Variants in ALKBH8 observed in about 807,000 individuals in gnomAD.
ALKBH8 encodes tRNA (carboxymethyluridine(34)-5-O)-methyltransferase ALKBH8.
In ALKBH8, 36 loss-of-function variants were observed where a neutral mutation model predicts 59.8. The ratio of observed to expected loss-of-function variants is 0.60; its 90% CI spans 0.46 to 0.79. ALKBH8 has a LOEUF of 0.79. Among genes scored for constraint, ALKBH8 ranks in the 30% least tolerant of loss-of-function variants. The probability of loss-of-function intolerance (pLI) is 0.00; values close to 1 mark genes in which losing one functional copy is unlikely to be tolerated. For missense variants in ALKBH8, 768 were observed against 801.0 expected (o/e 0.96, Z 0.50); for synonymous variants, 276 against 273.6 (o/e 1.01, Z -0.09).
At chr11:107,564,793 A>G (rs1309466194) in intron 1 of ALKBH8, among the ~76,000 whole-genome samples, 2 of 152,242 alleles carry the variant, frequency 1.3e-5, no homozygotes, top group African/African-American at 4.8e-5. Context: ...TGAATAAAGA[A>G]CACTCACTCC....
At chr11:107,517,328 A>G (rs998781705) in intron 10 of ALKBH8, among the ~76,000 whole-genome samples, 9 of 152,210 alleles carry the variant, frequency 5.9e-5, no homozygotes, top group South Asian at 2.1e-4. Context: ...AATGTAAATT[A>G]GGACAGCCAC....
Position 107,505,205 on chromosome 11 carries a change from A to G in ALKBH8, c.1448T>C (p.Val483Ala). 6.5e-7 allele frequency: 1 copy of G among 1,541,734 alleles called. No homozygotes were observed. Among genetic ancestry groups the G allele is most frequent in the Non-Finnish European group, 8.8e-7 (1 of 1,142,020 alleles). ...IHHFATAERR[V>A]AALQEIVRLL... Reference sequence around the variant, plus strand: ...TCGAACAATTTCTTGGAGAGCTGCCACTCTACGCTCCTAATGAAAAAAAAC... The same window carrying G: ...TCGAACAATTTCTTGGAGAGCTGCCGCTCTACGCTCCTAATGAAAAAAAAC... Residue 483 changes from valine to alanine, a missense_variant, in exon 12 of 12, where the codon GTG (valine) becomes GCG (alanine). Physicochemically the swap from Val to Ala is moderately conservative, Grantham distance 64. Coordinates refer to ENST00000428149, the MANE Select transcript of ALKBH8 (RefSeq NM_138775.3).
chr11:107,538,857 G>C (rs938557479), intron 7 of ALKBH8, among the ~76,000 whole-genome samples: 4 of 152,180 alleles, frequency 2.6e-5, no homozygotes, highest in African/African-American at 9.7e-5. Context: ...AACCTTTTTA[G>C]AGAAATCCCT....
intron 11 of ALKBH8, among the ~76,000 whole-genome samples, chr11:107,508,955 A>G (rs969233461): frequency 6.6e-6 from 1 of 152,202 alleles, no homozygotes; most frequent in Non-Finnish European, 1.5e-5. Context: ...GTTGTGAATA[A>G]TGCTGCTATG....
chr11:107,535,603 T>G (rs1043107649), intron 7 of ALKBH8, among the ~76,000 whole-genome samples: 1 of 152,116 alleles, frequency 6.6e-6, no homozygotes, highest in African/African-American at 2.4e-5. Context: ...TTGATATGAT[T>G]GTTTGTTTTT....
rs142378823 is a variant in ALKBH8 at position 107,504,692 on chromosome 11, T to C, written c.1961A>G (p.Gln654Arg). The change falls in exon 12 of 12, where the codon CAA becomes CGA. Residue 654 changes from glutamine to arginine, a missense_variant. Coordinates refer to ENST00000428149, the MANE Select transcript of ALKBH8 (RefSeq NM_138775.3). ...DVRILQSYYD[Q>R]GNWCVILQKA ...TTGAAGAATCACACACCAGTTTCCT[T>C]GATCGTAGTAGCTTTGCAGAATTCT... The C allele has an allele frequency of 2.4e-4, 368 of 1,549,772 alleles. No homozygotes were observed. Among genetic ancestry groups the C allele is most frequent in the Non-Finnish European group, 3.1e-4 (351 of 1,146,004 alleles).
At chr11:107,556,237 C>T (rs1315277985) in intron 3 of ALKBH8, among the ~76,000 whole-genome samples, 1 of 151,904 alleles carries the variant, frequency 6.6e-6, no homozygotes, top group Non-Finnish European at 1.5e-5. Flanking sequence ...GAGATTGTGC[C>T]ATTGCACTCC....
chr11:107,549,558 C>T (rs1344478833), intron 7 of ALKBH8, among the ~76,000 whole-genome samples, 195 bp downstream of exon 7: 1 of 152,160 alleles, frequency 6.6e-6, no homozygotes, highest in Non-Finnish European at 1.5e-5. Context: ...GTTTTCCTGG[C>T]ATCTGATGAG....
intron 8 of ALKBH8, among the ~76,000 whole-genome samples, chr11:107,527,691 A>G (rs998974177): frequency 2.6e-5 from 4 of 152,014 alleles, no homozygotes; most frequent in African/African-American, 9.7e-5. Context: ...CGCTAAATTC[A>G]CTTATTAGTT....
intron 7 of ALKBH8, among the ~76,000 whole-genome samples, chr11:107,536,583 C>T (rs539516919): frequency 6.6e-6 from 1 of 152,302 alleles, no homozygotes; most frequent in Admixed American, 6.5e-5. Context: ...CTCCACTGAA[C>T]ACTGCATGAC....
chr11:107,534,492 T>C (rs1293133535), intron 7 of ALKBH8, among the ~76,000 whole-genome samples: 1 of 152,216 alleles, frequency 6.6e-6, no homozygotes, highest in Non-Finnish European at 1.5e-5. Context: ...TGGCTAATAT[T>C]GAACATGTTT....
At chr11:107,561,579 T>C (rs1864940494) in intron 1 of ALKBH8, among the ~76,000 whole-genome samples, 1 of 152,224 alleles carries the variant, frequency 6.6e-6, no homozygotes, top group Non-Finnish European at 1.5e-5. Context: ...CTACAATTTT[T>C]TAAATAACAG....
intron 6 of ALKBH8, among the ~76,000 whole-genome samples, chr11:107,551,420 G>A (rs753382473): frequency 6.6e-5 from 10 of 152,104 alleles, no homozygotes; most frequent in Non-Finnish European, 1.3e-4. Flanking sequence ...TTGGCTGGGC[G>A]CGGTGGCTCA....
intron 11 of ALKBH8, among the ~76,000 whole-genome samples, chr11:107,505,422 A>G (rs1213213106): frequency 2.6e-5 from 4 of 152,176 alleles, no homozygotes; most frequent in Non-Finnish European, 4.4e-5. Flanking sequence ...AAGTACAGAA[A>G]AGCAAAATTT....
At chr11:107,563,062 G>T (rs1445749265) in intron 1 of ALKBH8, among the ~76,000 whole-genome samples, 2 of 152,142 alleles carry the variant, frequency 1.3e-5, no homozygotes, top group Admixed American at 6.5e-5. Flanking sequence ...TCATATTTAG[G>T]ATAGAATAAT....
intron 8 of ALKBH8, among the ~76,000 whole-genome samples, chr11:107,530,513 A>G (rs1359277791): frequency 6.8e-6 from 1 of 147,732 alleles, no homozygotes; most frequent in African/African-American, 2.5e-5. Context: ...ATCATTGGTT[A>G]TCTCTCTCTC....
At chr11:107,530,055 A>G (rs894557511) in intron 8 of ALKBH8, among the ~76,000 whole-genome samples, 5 of 152,208 alleles carry the variant, frequency 3.3e-5, no homozygotes, top group Middle Eastern at 3.4e-3. Flanking sequence ...GATCTTCTCA[A>G]TTTTCAAGAG....
At chr11:107,513,120 A>C (rs1318102569) in intron 10 of ALKBH8, among the ~76,000 whole-genome samples, 3 of 152,240 alleles carry the variant, frequency 2.0e-5, no homozygotes, top group Non-Finnish European at 4.4e-5. Flanking sequence ...GACAACCTAC[A>C]GAATGGGAGA....
At chr11:107,552,923 C>G (rs1167788963) in intron 5 of ALKBH8, among the ~76,000 whole-genome samples, 185 bp downstream of exon 5, 6 of 152,104 alleles carry the variant, frequency 3.9e-5, no homozygotes, top group Non-Finnish European at 8.8e-5. Flanking sequence ...TGAACTTCAG[C>G]TCTATCCAGT....
Sources: allele counts gnomAD v4.1 joint callset (sites outside exome capture counted in the v4.1 genomes callset), GRCh38; gene constraint gnomAD v4.1.1; transcripts MANE v1.5; gene names NCBI Gene and HGNC (gene_info 2026-07-23, HGNC 2026-07-21).